MACF1: variants seen among roughly 807,000 people sequenced by gnomAD.
MACF1 encodes the protein microtubule-actin cross-linking factor 1.
A neutral mutation model predicts 854.8 loss-of-function variants in MACF1; 193 were observed. The observed-to-expected ratio is 0.23, with a 90% confidence interval of 0.20 to 0.25. The LOEUF is 0.25. Among genes scored for constraint, MACF1 ranks in the 10% least tolerant of loss-of-function variants. The probability of loss-of-function intolerance (pLI) is 1.00; values close to 1 mark genes in which losing one functional copy is unlikely to be tolerated. For missense variants in MACF1, 7,722 were observed against 8,929.1 expected, an observed-to-expected ratio of 0.86 and a Z score of 5.45; for synonymous variants, 3,185 against 3,226.7, an observed-to-expected ratio of 0.99 and a Z score of 0.44.
chr1:39,273,219 C>T (rs1365558572), intron 6 of MACF1, among the ~76,000 whole-genome samples: 7 of 150,540 alleles, frequency 4.6e-5, no homozygotes, highest in Admixed American at 2.6e-4. Context: ...TCACTGCAGC[C>T]TCTGCCTCCC....
rs16826064 is a variant in MACF1 at position 39,318,394 on chromosome 1, A to C, written c.3783-59A>C. ...CATGGGTTAAAGAGGGAATTACCTC[A>C]TTTACTTTATTGTATTTGTACCAAG... On this transcript the variant is annotated intron_variant, in intron 29 of 100. Transcript: ENST00000564288. 10,079 of 1,475,524 alleles carry C rather than the reference A, an allele frequency of 6.8e-3. 478 individuals are homozygous for C. The African/African-American group carries it at 0.11, about 16-fold the overall frequency. The allele number at this position is 1,475,524 out of a possible 1,614,324, so 91.4% of individuals were successfully genotyped here.
intron 1 of MACF1, among the ~76,000 whole-genome samples, chr1:39,223,517 T>A (rs1336016733): frequency 3.4e-5 from 5 of 146,486 alleles, no homozygotes; most frequent in African/African-American, 1.2e-4. Flanking sequence ...GCTATTTAAT[T>A]TTTTTTTTTT....
chr1:39,325,950 A>T (rs1203283379), intron 35 of MACF1, among the ~76,000 whole-genome samples: 1 of 151,706 alleles, frequency 6.6e-6, no homozygotes, highest in African/African-American at 2.4e-5. Flanking sequence ...TGGTTGTGGA[A>T]TTTTTTTTTC....
intron 2 of MACF1, among the ~76,000 whole-genome samples, chr1:39,123,238 C>G (rs1334288698): frequency 7.5e-6 from 1 of 132,782 alleles, no homozygotes; most frequent in Non-Finnish European, 1.6e-5. Context: ...GAGAGAGTCT[C>G]GCTCTGTTGC....
intron 2 of MACF1, among the ~76,000 whole-genome samples, chr1:39,199,322 A>G (rs1644361117): frequency 1.3e-5 from 2 of 150,604 alleles, no homozygotes; most frequent in Admixed American, 1.3e-4. Context: ...GATAAAATAT[A>G]TTTATTTGGA....
intron 2 of MACF1, among the ~76,000 whole-genome samples, chr1:39,135,614 G>A (rs1320298464): frequency 6.6e-6 from 1 of 152,144 alleles, no homozygotes; most frequent in African/African-American, 2.4e-5. Flanking sequence ...AGAGGATGAA[G>A]TAGAACAATA....
chr1:39,351,191 G>A (rs141216272), intron 43 of MACF1, among the ~76,000 whole-genome samples, 173 bp downstream of exon 43: 3,673 of 152,286 alleles, frequency 0.024, 117 homozygotes, highest in East Asian at 0.17. Flanking sequence ...CTGTCACCCA[G>A]GCTGGAGTGC....
At chr1:39,089,123 C>T (rs759646430) in intron 2 of MACF1, among the ~76,000 whole-genome samples, 67 of 152,120 alleles carry the variant, frequency 4.4e-4, no homozygotes, top group Non-Finnish European at 6.5e-4. Context: ...CCTGTAATCT[C>T]AGCATTTCGG....
intron 45 of MACF1, 79 bp downstream of exon 45, chr1:39,357,972 G>C (rs1647736105): frequency 2.1e-6 from 3 of 1,408,080 alleles, no homozygotes; most frequent in African/African-American, 1.4e-5. Context: ...CTGGGGCTCA[G>C]AATAAGAACT....
At chr1:39,353,270 C>A in intron 44 of MACF1, 39 bp downstream of exon 44, 1 of 1,477,592 alleles carries the variant, frequency 6.8e-7, no homozygotes, top group Non-Finnish European at 9.2e-7. Context: ...CTAGAGAAAT[C>A]TCTCCTGCCC....
chr1:39,113,950 C>A (rs1642478062), intron 2 of MACF1, among the ~76,000 whole-genome samples: 1 of 151,962 alleles, frequency 6.6e-6, no homozygotes, highest in Non-Finnish European at 1.5e-5. Flanking sequence ...GCAAGAGAAT[C>A]GCTTGAACCC....
In MACF1 at chr1:39,406,756, A is replaced by AAAAAAAAAAAAAC. The variant is rs746955922; in HGVS notation, c.15817-15616_15817-15615insAAAAAAAAAACAA. 7.7e-3 allele frequency among the ~76,000 whole-genome samples: 897 copies of AAAAAAAAAAAAAC among 115,838 alleles called. 63 individuals carry two copies. The highest frequency in any genetic ancestry group is 0.011 in the African/African-American group (275 of 26,058). 76.0% of individuals were successfully genotyped at this position (115,838 alleles called of 152,430 possible). On this transcript the variant is annotated intron_variant, in intron 58 of 100. Coordinates refer to ENST00000564288, the MANE Select transcript of MACF1 (RefSeq NM_001394062.1). ...TCTCACTCAAAAAAAAAAAAAAAAA[A>AAAAAAAAAAAAAC]AACATTCTTTATAATAGAATAACCA... is the stretch of plus-strand genomic sequence containing the variant.
Position 39,448,094 on chromosome 1 carries a change from C to T in MACF1, c.20030C>T (p.Ser6677Leu). ...GAAGATGCAGAGAGTCACCTGGACTCAGAACTAGAGATATCCAATGACCCA... is the reference window on the plus strand; with the variant it reads ...GAAGATGCAGAGAGTCACCTGGACTTAGAACTAGAGATATCCAATGACCCA... ...WLEDAESHLD[S>L]ELEISNDPDK... Residue 6677 changes from serine to leucine, a missense_variant, in exon 83 of 101, where the codon TCA becomes TTA. Coordinates refer to ENST00000564288, the MANE Select transcript of MACF1 (RefSeq NM_001394062.1). 2.5e-6 allele frequency: 4 copies of T among 1,614,002 alleles called. No individual in the cohort carries two copies. The East Asian group carries it at 6.7e-5, about 27-fold the overall frequency.
At chr1:39,459,786 CT>C in intron 91 of MACF1, 6 of 1,295,550 alleles carry the variant, frequency 4.6e-6, no homozygotes, top group Non-Finnish European at 6.1e-6. Context: ...CCTCTAATAT[CT>C]TTTGTATTTT....
chr1:39,292,538 C>T (rs565954767), intron 16 of MACF1, among the ~76,000 whole-genome samples: 21 of 152,182 alleles, frequency 1.4e-4, no homozygotes, highest in Non-Finnish European at 2.9e-4. Context: ...GCTGGAAACA[C>T]AGGATAGTGA....
rs780296133 is a variant in MACF1 at position 39,387,459 on chromosome 1, C to G, written c.14617C>G (p.Leu4873Val). The G allele has an allele frequency of 1.2e-6, 2 of 1,614,124 alleles. No homozygotes were observed. The highest frequency in any genetic ancestry group is 2.2e-5 in the South Asian group (2 of 91,080). Residue 4873 changes from leucine (L) to valine (V), a missense_variant, in exon 58 of 101, where the codon CTA becomes GTA. Transcript: ENST00000564288. ...ACCTCCTGGAGAAGAGAAAAGGACT[C>G]TACAAAACCAGTTGGTTGAGCTCAA... ...SVPPGEEKRT[L>V]QNQLVELKNH...
At chr1:39,473,581 T>G (rs1489234373) in intron 97 of MACF1, among the ~76,000 whole-genome samples, 1 of 152,198 alleles carries the variant, frequency 6.6e-6, no homozygotes, top group Non-Finnish European at 1.5e-5. Context: ...GGCCACTGAC[T>G]CCTCACTTTA....
Position 39,443,649 on chromosome 1 carries a change from T to TA in MACF1, c.19431+77dup. Reference sequence around the variant, plus strand: ...TCCTTTCCAAGTTCACAGTCATAATTAATATGTATCTGGAAATCTACAAAG... The same window carrying TA: ...TCCTTTCCAAGTTCACAGTCATAATTAAATATGTATCTGGAAATCTACAAAG... On this transcript the variant is annotated intron_variant, in intron 79 of 100. Transcript: ENST00000564288. 6 of 1,422,248 alleles carry TA rather than the reference T, an allele frequency of 4.2e-6. No individual in the cohort carries two copies. In the East Asian group the frequency reaches 1.4e-4, roughly 33 times the overall value. The allele number at this position is 1,422,248 out of a possible 1,614,324, so 88.1% of individuals were successfully genotyped here. A position where few individuals can be genotyped will look rare whatever the true frequency, so the allele number is the denominator to read the frequency against.
chr1:39,479,714 T>C (rs1469120634), intron 97 of MACF1, 84 bp from the exon 98 acceptor site: 2 of 1,159,132 alleles, frequency 1.7e-6, no homozygotes, highest in Non-Finnish European at 2.5e-6. Flanking sequence ...ATAACTGTTA[T>C]CATGGGGTCA....
Sources: allele counts gnomAD v4.1 joint callset (sites outside exome capture counted in the v4.1 genomes callset), GRCh38; gene constraint gnomAD v4.1.1; transcripts MANE v1.5; gene names NCBI Gene and HGNC (gene_info 2026-07-23, HGNC 2026-07-21).